The following PIGB variants were observed in gnomAD, a reference collection of about 807,000 sequenced individuals.
PIGB encodes GPI alpha-1,2-mannosyltransferase 3.
In PIGB, 58 loss-of-function variants were observed where a neutral mutation model predicts 68.4. The ratio of observed to expected loss-of-function variants is 0.85; its 90% confidence interval spans 0.69 to 1.06. The LOEUF (loss-of-function observed/expected upper bound fraction) is 1.06. PIGB is among the 50% of genes least tolerant of loss of function. The pLI, the probability that PIGB is intolerant of heterozygous loss-of-function variation, is 0.00. For synonymous variants in PIGB, 219 were observed against 220.5 expected (o/e 0.99, Z 0.06); for missense variants, 634 against 655.8 (o/e 0.97, Z 0.36).
rs182162181 is a variant in PIGB at position 55,338,819 on chromosome 15, G to A, written c.795-448G>A. Among the ~76,000 whole-genome samples the A allele has an allele frequency of 3.1e-3, 475 of 152,238 alleles. 3 individuals are homozygous for A. Among genetic ancestry groups the A allele is most frequent in the African/African-American group, 0.011 (454 of 41,526 alleles). On this transcript the variant is annotated intron_variant, in intron 6 of 11. Transcript: ENST00000164305. ...CTTAGCCCCACCAGCAACCATGTGA[G>A]CAAATTTGGAAGCTGATCTCTCCAC...
chr15:55,326,298 T>G (rs2055284700), intron 3 of PIGB, among the ~76,000 whole-genome samples: 1 of 152,138 alleles, frequency 6.6e-6, no homozygotes, highest in Non-Finnish European at 1.5e-5. Context: ...TTATCTATAT[T>G]GCAGGATAGA....
Position 55,327,579 on chromosome 15 carries a change from G to GT in PIGB, c.467dup (p.Arg157GlufsTer99). 6.2e-7 allele frequency: 1 copy of GT among 1,612,456 alleles called. No individual in the cohort carries two copies. The highest frequency in any genetic ancestry group is 8.5e-7 in the Non-Finnish European group (1 of 1,179,310). ...AGCACTTCTGTCTGCTGTAGCAGAT[G>GT]TGAGACTTTACTCATTAATGAAGCA... On this transcript the variant is annotated frameshift_variant, in exon 4 of 12. Transcript: ENST00000164305. LOFTEE classifies it high-confidence loss of function.
At chr15:55,352,157 AG>A (rs1192042119) in intron 10 of PIGB, among the ~76,000 whole-genome samples, 1 of 151,592 alleles carries the variant, frequency 6.6e-6, no homozygotes, top group Non-Finnish European at 1.5e-5. Flanking sequence ...CATGTTGGTC[AG>A]GCTGATCTCG....
At chr15:55,321,421 T>C (rs1415879447) in intron 3 of PIGB, 31 bp downstream of exon 3, 3 of 1,539,166 alleles carry the variant, frequency 1.9e-6, no homozygotes, top group East Asian at 2.4e-5. Flanking sequence ...CTAAATGATA[T>C]TGGGGCCATG....
chr15:55,331,421 A>C (rs2055410734), intron 5 of PIGB, among the ~76,000 whole-genome samples: 1 of 152,140 alleles, frequency 6.6e-6, no homozygotes, highest in East Asian at 1.9e-4. Flanking sequence ...CCTTTAAAAA[A>C]TGCAACTATT....
rs1299941421 is a variant in PIGB, at chr15:55,320,336, C to A, written c.225C>A (p.Cys75Ter). 1.2e-6 allele frequency: 2 copies of A among 1,612,930 alleles called. No homozygotes were observed. Among genetic ancestry groups the A allele is most frequent in the African/African-American group, 2.7e-5 (2 of 75,022 alleles). ...LFTIALRILN[C>*]FLVQTSFVPD... Reference sequence around the variant, plus strand: ...CCATAGCTTTACGAATATTAAACTGCTTTTTAGTGCAGACAAGTTTTGTTC... The same window carrying A: ...CCATAGCTTTACGAATATTAAACTGATTTTTAGTGCAGACAAGTTTTGTTC... Residue 75 changes from cysteine (C) to a stop codon, truncating the protein, a stop_gained, in exon 2 of 12, where the codon TGC (cysteine) becomes TGA (stop). Coordinates refer to ENST00000164305, the MANE Select transcript of PIGB (RefSeq NM_004855.5). LOFTEE classifies it high-confidence loss of function.
chr15:55,355,157 C>T (rs1397958008), intron 11 of PIGB, 129 bp from the exon 12 acceptor site: 2 of 890,288 alleles, frequency 2.2e-6, no homozygotes, highest in Non-Finnish European at 3.4e-6. Flanking sequence ...TATTTTACTT[C>T]CTATAAGTTA....
chr15:55,334,466 G>A (rs2055490614), intron 6 of PIGB, among the ~76,000 whole-genome samples: 1 of 152,042 alleles, frequency 6.6e-6, no homozygotes, highest in Admixed American at 6.6e-5. Flanking sequence ...TGCTATACTG[G>A]TATTGAAACC....
intron 5 of PIGB, among the ~76,000 whole-genome samples, chr15:55,332,966 A>T (rs903451643): frequency 6.6e-6 from 1 of 152,198 alleles, no homozygotes; most frequent in Admixed American, 6.5e-5. Context: ...CTTTCAAAAC[A>T]AAATTCTAAA....
chr15:55,329,825 T>C lies in PIGB; in HGVS notation c.624T>C (p.Tyr208=). The C allele has an allele frequency of 1.3e-6, 2 of 1,599,984 alleles. No homozygotes were observed. Among genetic ancestry groups the C allele is most frequent in the Non-Finnish European group, 1.7e-6 (2 of 1,167,436 alleles). Residue 208 remains tyrosine (Y), a synonymous_variant, in exon 5 of 12, where the codon TAT becomes TAC. Coordinates refer to ENST00000164305, the MANE Select transcript of PIGB (RefSeq NM_004855.5). The part of the protein sequence containing the change: ...TVLTIIALFY[Y]PLEGSKSMNS... ...TCACTATAATTGCTCTTTTCTACTATCCTTTGGAAGGTTCAAAGTCTATGA... is the reference window on the plus strand; with the variant it reads ...TCACTATAATTGCTCTTTTCTACTACCCTTTGGAAGGTTCAAAGTCTATGA...
intron 3 of PIGB, among the ~76,000 whole-genome samples, chr15:55,321,649 T>G (rs1474660159): frequency 2.8e-5 from 3 of 108,988 alleles, no homozygotes; most frequent in African/African-American, 7.7e-5. Context: ...CTTCTTTCTT[T>G]TTTTTTTTTT....
chr15:55,319,295 AGAT>A lies in PIGB; in HGVS notation c.47_49del (p.Asp16del). On this transcript the variant is annotated inframe_deletion, in exon 1 of 12. Transcript: ENST00000164305. ...AGTGCGGAATGGAGCCGGGGGGCGG[AGAT>A]GCCAGCCTCACTTTGCATGGTCTCC... 6.2e-7 allele frequency: 1 copy of A among 1,605,676 alleles called. No individual in the cohort carries two copies. Among genetic ancestry groups the A allele is most frequent in the Non-Finnish European group, 8.5e-7 (1 of 1,176,644 alleles).
At position 55,355,571 on chromosome 15, in the gene PIGB, T is replaced by C. The variant is rs2056062406; in HGVS notation, c.*139T>C. 2 of 606,860 alleles carry C rather than the reference T, an allele frequency of 3.3e-6. No homozygotes were observed. The highest frequency in any genetic ancestry group is 3.0e-5 in the Admixed American group (1 of 32,866). 37.6% of individuals were successfully genotyped at this position (606,860 alleles called of 1,614,324 possible). A position where few individuals can be genotyped will look rare whatever the true frequency, so the allele number is the denominator to read the frequency against. On this transcript the variant is annotated 3_prime_UTR_variant, in exon 12 of 12. Coordinates refer to ENST00000164305, the MANE Select transcript of PIGB (RefSeq NM_004855.5). ...TTACCAAATATCACTACTGAGGAAA[T>C]GTATAAAATACCACATAGTATAAAA...
chr15:55,324,072 G>A (rs2055225418), intron 3 of PIGB, among the ~76,000 whole-genome samples: 1 of 152,162 alleles, frequency 6.6e-6, no homozygotes, highest in Non-Finnish European at 1.5e-5. Flanking sequence ...ATTTTTAGTA[G>A]AGACGGGGTT....
chr15:55,331,172 C>A lies in PIGB; in HGVS notation c.653+1318C>A, dbSNP rs111516585. Among the ~76,000 whole-genome samples, 1,219 of 152,236 alleles carry A rather than the reference C, an allele frequency of 8.0e-3. 16 individuals carry two copies. The highest frequency in any genetic ancestry group is 0.028 in the African/African-American group (1,170 of 41,530). On this transcript the variant is annotated intron_variant, in intron 5 of 11. Transcript: ENST00000164305. ...ATTACCCAGATTTCTCCATATCTCA[C>A]GTTCAGCTTGAGAGAATCGAATTAG... is the stretch of plus-strand genomic sequence containing the variant.
At chr15:55,348,722 CA>C (rs1434579038) in intron 9 of PIGB, among the ~76,000 whole-genome samples, 23 of 152,326 alleles carry the variant, frequency 1.5e-4, no homozygotes, top group African/African-American at 5.5e-4. Flanking sequence ...GCTTCTTGTA[CA>C]ACCTGCAGGA....
Position 55,333,919 on chromosome 15 carries a change from G to A in PIGB, c.706G>A (p.Val236Ile). The A allele has an allele frequency of 6.2e-7, 1 of 1,607,952 alleles. No individual in the cohort carries two copies. The highest frequency in any genetic ancestry group is 8.5e-7 in the Non-Finnish European group (1 of 1,176,552). The change falls in exon 6 of 12, where the codon GTC (valine) becomes ATC (isoleucine). Residue 236 changes from valine to isoleucine, a missense_variant. Physicochemically the swap from Val to Ile is conservative, Grantham distance 29. Coordinates refer to ENST00000164305, the MANE Select transcript of PIGB (RefSeq NM_004855.5). ...ALAFIIRPTAVILWTPLLFRH... is the reference protein window; with the variant it reads ...ALAFIIRPTAIILWTPLLFRH... ...TGCCTTCATAATTCGTCCCACAGCT[G>A]TCATTCTGTGGACACCTTTGCTCTT...
Position 55,341,732 on chromosome 15 carries a change from T to C in PIGB, c.1059-6T>C, listed in dbSNP as rs1412090328. The C allele has an allele frequency of 7.5e-7, 1 of 1,335,394 alleles. No individual in the cohort carries two copies. Among genetic ancestry groups the C allele is most frequent in the South Asian group, 1.7e-5 (1 of 60,248 alleles). The allele number at this position is 1,335,394 out of a possible 1,614,324, so 82.7% of individuals were successfully genotyped here. On this transcript the variant is annotated splice_polypyrimidine_tract_variant and splice_region_variant and intron_variant, in intron 8 of 11. Coordinates refer to ENST00000164305, the MANE Select transcript of PIGB (RefSeq NM_004855.5). ...TATTTTTTAATAATATTTGTTTTTA[T>C]TACAGCATGTTGAGCCACAAAGAAT...
chr15:55,326,114 T>C (rs2055278345), intron 3 of PIGB, among the ~76,000 whole-genome samples: 2 of 150,310 alleles, frequency 1.3e-5, no homozygotes, highest in South Asian at 4.2e-4. Context: ...GGAGAATTGC[T>C]GGAATCTGGG....
Sources: gnomAD v4.1 joint callset for allele counts (sites outside exome capture counted in the v4.1 genomes callset) on GRCh38, gnomAD v4.1.1 for gene constraint, MANE v1.5 for transcripts, NCBI Gene and HGNC (gene_info 2026-07-23, HGNC 2026-07-21) for gene names.